The following XDH variants were observed in gnomAD, a reference collection of about 807,000 sequenced individuals.
XDH encodes the protein xanthine dehydrogenase, also known as xanthine dehydrogenase/oxidase.
A neutral mutation model predicts 156.1 loss-of-function variants in XDH; 138 were observed. The observed-to-expected ratio is 0.88, with a 90% CI of 0.77 to 1.02. The LOEUF is 1.02. Ranked by LOEUF, XDH falls within the 50% of genes least tolerant of loss-of-function variation. XDH has a pLI of 0.00. For synonymous variants in XDH, 669 were observed against 625.7 expected, an observed-to-expected ratio of 1.07 and a Z score of -1.03; for missense variants, 1,849 against 1,684.9, an observed-to-expected ratio of 1.10 and a Z score of -1.71.
At chr2:31,366,508 C>A (rs947351409) in intron 21 of XDH, among the ~76,000 whole-genome samples, 3 of 152,150 alleles carry the variant, frequency 2.0e-5, no homozygotes, top group Non-Finnish European at 2.9e-5. Context: ...TAATCCAACA[C>A]CTTCATTTTA....
At chr2:31,347,239 C>T (rs1685324430) in intron 29 of XDH, among the ~76,000 whole-genome samples, 1 of 152,224 alleles carries the variant, frequency 6.6e-6, no homozygotes. Flanking sequence ...TTGCTAGCTC[C>T]AGCACCAGGG....
At chr2:31,398,794 T>C in intron 4 of XDH, 95 bp from the exon 5 acceptor site, 1 of 1,585,210 alleles carries the variant, frequency 6.3e-7, no homozygotes. Flanking sequence ...TGAGAGATAG[T>C]GGGGGTAGTA....
At chr2:31,384,002 C>T (rs1686513839) in intron 9 of XDH, 155 bp from the exon 10 acceptor site, 2 of 735,134 alleles carry the variant, frequency 2.7e-6, no homozygotes, top group East Asian at 2.8e-5. Flanking sequence ...ATAGGAAACT[C>T]AGTAGACCAG....
intron 1 of XDH, 93 bp downstream of exon 1, chr2:31,414,532 G>A (rs1218111712): frequency 3.2e-6 from 5 of 1,549,512 alleles, no homozygotes; most frequent in Non-Finnish European, 4.5e-6. Context: ...AGAGGGGACA[G>A]GAAAGACAGA....
chr2:31,357,820 T>A (rs1318699807), intron 24 of XDH, among the ~76,000 whole-genome samples: 1 of 152,078 alleles, frequency 6.6e-6, no homozygotes, highest in Non-Finnish European at 1.5e-5. Flanking sequence ...ACATCATATG[T>A]ATCCTATAAA....
chr2:31,409,544 C>A (rs1687286564), intron 1 of XDH, among the ~76,000 whole-genome samples: 1 of 152,152 alleles, frequency 6.6e-6, no homozygotes. Context: ...TAATACAGAA[C>A]TCCTAAAACT....
chr2:31,338,482 G>C (rs1294354074), intron 34 of XDH, among the ~76,000 whole-genome samples: 1 of 152,106 alleles, frequency 6.6e-6, no homozygotes, highest in Non-Finnish European at 1.5e-5. Flanking sequence ...GCATGGTAAA[G>C]TATGACAGTC....
In XDH at chr2:31,378,174, G is replaced by GCAA. The variant is rs1686325240; in HGVS notation, c.1243-938_1243-937insTTG. Among the ~76,000 whole-genome samples, 5 of 70,792 alleles carry GCAA rather than the reference G, an allele frequency of 7.1e-5. No homozygotes were observed. The South Asian group carries it at 1.7e-3, about 25-fold the overall frequency. The allele number at this position is 70,792 out of a possible 152,430, so 46.4% of individuals were successfully genotyped here. ...AGGAAGGAAGGAAGGAAGGAAGGAA[G>GCAA]GAAGCAAGCAAGCAAGCAAAGCAAG... On this transcript the variant is annotated intron_variant, in intron 13 of 35. Transcript: ENST00000379416.
intron 26 of XDH, 129 bp downstream of exon 26, chr2:31,349,557 A>G: frequency 7.4e-7 from 1 of 1,345,884 alleles, no homozygotes; most frequent in Middle Eastern, 1.8e-4. Flanking sequence ...GATGGCTGTG[A>G]ATGAGTTGGC....
At chr2:31,403,407 T>C (rs1687114724) in intron 2 of XDH, among the ~76,000 whole-genome samples, 1 of 152,084 alleles carries the variant, frequency 6.6e-6, no homozygotes, top group African/African-American at 2.4e-5. Context: ...GTAGCATCTC[T>C]TGGGACATGA....
intron 24 of XDH, among the ~76,000 whole-genome samples, chr2:31,359,224 T>C (rs1158687821): frequency 6.6e-6 from 1 of 152,130 alleles, no homozygotes; most frequent in Non-Finnish European, 1.5e-5. Context: ...GGAATATAAT[T>C]TGATCATTTC....
At chr2:31,355,019 A>G (rs958244739) in intron 24 of XDH, among the ~76,000 whole-genome samples, 5 of 152,182 alleles carry the variant, frequency 3.3e-5, no homozygotes, top group Non-Finnish European at 7.4e-5. Flanking sequence ...AGACAAAGGA[A>G]AAATCTTGAA....
At chr2:31,406,694 C>G (rs937324559) in intron 1 of XDH, among the ~76,000 whole-genome samples, 3 of 152,204 alleles carry the variant, frequency 2.0e-5, no homozygotes, top group African/African-American at 7.2e-5. Context: ...CCTGTCATCT[C>G]ATTTCAACTG....
chr2:31,336,128 C>T, intron 35 of XDH, 120 bp from the exon 36 acceptor site: 2 of 1,074,460 alleles, frequency 1.9e-6, no homozygotes, highest in Non-Finnish European at 1.4e-6. Context: ...CACCACTCTG[C>T]AGGCCTAGCT....
chr2:31,366,134 G>T (rs377541370), intron 21 of XDH, 25 bp from the exon 22 acceptor site: 6 of 1,614,152 alleles, frequency 3.7e-6, no homozygotes, highest in Non-Finnish European at 5.1e-6. Context: ...CAGAACATTC[G>T]CACTGAATGC....
intron 6 of XDH, among the ~76,000 whole-genome samples, chr2:31,392,507 C>T (rs1287806339): frequency 2.0e-5 from 3 of 152,272 alleles, no homozygotes; most frequent in Non-Finnish European, 2.9e-5. Flanking sequence ...TCACTGCAAC[C>T]TCCACTTCCT....
At chr2:31,403,233 C>G in intron 2 of XDH, 89 bp from the exon 3 acceptor site, 1 of 1,391,418 alleles carries the variant, frequency 7.2e-7, no homozygotes, top group South Asian at 1.2e-5. Context: ...GTGGGCAGAG[C>G]CATTCATTCC....
Position 31,378,109 on chromosome 2 carries a change from AGGAAGGAAGGAAGG to A in XDH, c.1243-886_1243-873del, listed in dbSNP as rs1411659630. Among the ~76,000 whole-genome samples the A allele has an allele frequency of 3.2e-4, 13 of 41,150 alleles. 1 individual carries two copies. Among genetic ancestry groups the A allele is most frequent in the African/African-American group, 1.4e-3 (13 of 9,364 alleles). 27.0% of individuals were successfully genotyped at this position (41,150 alleles called of 152,430 possible). ...AAGAAAGAAAGAAAGAAAGAAAGAA[AGGAAGGAAGGAAGG>A]AAGGAAGGAAGGAAGGAAGGAAGGA... On this transcript the variant is annotated intron_variant, in intron 13 of 35. Transcript: ENST00000379416.
At chr2:31,392,036 C>G (rs1319064244) in intron 6 of XDH, among the ~76,000 whole-genome samples, 1 of 152,164 alleles carries the variant, frequency 6.6e-6, no homozygotes, top group Admixed American at 6.5e-5. Flanking sequence ...GTTTTGGTAG[C>G]TTACATCTTT....
Sources: allele counts gnomAD v4.1 joint callset (sites outside exome capture counted in the v4.1 genomes callset), GRCh38; gene constraint gnomAD v4.1.1; transcripts MANE v1.5; gene names NCBI Gene and HGNC (gene_info 2026-07-23, HGNC 2026-07-21).